WNT5A: variants seen among roughly 807,000 people sequenced by gnomAD.
WNT5A encodes protein Wnt-5a.
In WNT5A, 9 loss-of-function variants were observed where a neutral mutation model predicts 42.1. The ratio of observed to expected loss-of-function variants is 0.21; its 90% CI spans 0.13 to 0.37. WNT5A has a LOEUF of 0.37. WNT5A is among the 10% of genes least tolerant of loss of function. WNT5A has a pLI of 1.00. For missense variants in WNT5A, 426 were observed against 534.0 expected, an observed-to-expected ratio of 0.80 and a Z score of 1.99; for synonymous variants, 210 against 210.0, an observed-to-expected ratio of 1.00 and a Z score of 0.00.
At chr3:55,491,624 C>T (rs141302615), upstream of WNT5A, among the ~76,000 whole-genome samples, 2 of 152,202 alleles carry the variant, frequency 1.3e-5, no homozygotes, top group Non-Finnish European at 2.9e-5. Context: ...AATCTACCCC[C>T]CTTTTATGCC....
At chr3:55,476,004 G>A (rs2106927280) in intron 3 of WNT5A, among the ~76,000 whole-genome samples, 1 of 152,314 alleles carries the variant, frequency 6.6e-6, no homozygotes, top group African/African-American at 2.4e-5. Context: ...AAGGAAAGGG[G>A]CCTCTTCTGG....
intron 1 of WNT5A, among the ~76,000 whole-genome samples, chr3:55,482,392 G>A (rs996010123): frequency 2.6e-5 from 4 of 152,172 alleles, no homozygotes; most frequent in African/African-American, 9.7e-5. Flanking sequence ...TAACCCTGCC[G>A]CACTGCATCG....
rs1277607893 is a variant in WNT5A at position 55,483,586 on chromosome 3, G to A, written c.7-2668C>T. On this transcript the variant is annotated intron_variant, in intron 1 of 4. Coordinates refer to ENST00000264634, the MANE Select transcript of WNT5A (RefSeq NM_003392.7). The surrounding 1 kb of genome is among the most constrained non-coding windows in gnomAD (Gnocchi z 4.2). ...GGGCTAAATGTTTTCCAACACTTTCGGGGCTCAGGGAAGATGACTCTGTAA... is the reference window on the plus strand; with the variant it reads ...GGGCTAAATGTTTTCCAACACTTTCAGGGCTCAGGGAAGATGACTCTGTAA... 6.6e-6 allele frequency among the ~76,000 whole-genome samples: 1 copy of A among 152,130 alleles called. No individual in the cohort carries two copies. The highest frequency in any genetic ancestry group is 2.1e-4 in the South Asian group (1 of 4,830).
In WNT5A at chr3:55,487,165, T is replaced by G. The variant is rs1052028061; in HGVS notation, c.-180A>C. 3 of 593,082 alleles carry G rather than the reference T, an allele frequency of 5.1e-6. No homozygotes were observed. The highest frequency in any genetic ancestry group is 6.0e-6 in the Non-Finnish European group (2 of 335,920). 36.7% of individuals were successfully genotyped at this position (593,082 alleles called of 1,614,324 possible). A position where few individuals can be genotyped will look rare whatever the true frequency, so the allele number is the denominator to read the frequency against. On this transcript the variant is annotated 5_prime_UTR_variant, in exon 1 of 5. Coordinates refer to ENST00000264634, the MANE Select transcript of WNT5A (RefSeq NM_003392.7). The stretch of plus-strand genomic sequence containing the variant: ...TGAAGCGGGCACTGGCGCCCGGGCC[T>G]GGACTCCCGAGTTGGGGCAGAGCTG...
chr3:55,489,506 TC>T (rs1164401317), upstream of WNT5A, among the ~76,000 whole-genome samples: 1 of 151,586 alleles, frequency 6.6e-6, no homozygotes, highest in Non-Finnish European at 1.5e-5. Context: ...CACAGCCCCT[TC>T]CCATTCCTTA....
intron 1 of WNT5A, 84 bp downstream of exon 1, chr3:55,486,896 G>A: frequency 2.1e-6 from 2 of 941,994 alleles, no homozygotes; most frequent in Admixed American, 1.8e-5. Flanking sequence ...GGAGGGATAG[G>A]AAGAGGCGAA....
chr3:55,501,431 G>C, the WNT5A span, among the ~76,000 whole-genome samples: 4 of 152,234 alleles, frequency 2.6e-5, no homozygotes, highest in Non-Finnish European at 5.9e-5. Flanking sequence ...AGGATAAAGG[G>C]AGAATTGTTC....
intron 3 of WNT5A, among the ~76,000 whole-genome samples, chr3:55,475,876 T>C (rs771388197): frequency 6.6e-6 from 1 of 151,930 alleles, no homozygotes; most frequent in Non-Finnish European, 1.5e-5. Context: ...TTAATAAAAG[T>C]ACTGTAATCT....
chr3:55,480,204 A>C (rs2051432835), intron 2 of WNT5A, among the ~76,000 whole-genome samples: 1 of 152,176 alleles, frequency 6.6e-6, no homozygotes, highest in African/African-American at 2.4e-5. Context: ...GTCAAAAATA[A>C]TCCTCTGGAT....
chr3:55,504,574 C>T, the WNT5A span, among the ~76,000 whole-genome samples: 1 of 151,952 alleles, frequency 6.6e-6, no homozygotes, highest in African/African-American at 2.4e-5. Flanking sequence ...AAGCGATTCT[C>T]CTGCCTCACC....
At chr3:55,498,686 T>C in the WNT5A span, among the ~76,000 whole-genome samples, 1 of 152,182 alleles carries the variant, frequency 6.6e-6, no homozygotes, top group Admixed American at 6.5e-5. Context: ...CTCCACCCCC[T>C]GACTTAAGGT....
chr3:55,470,056 G>A lies in WNT5A; in HGVS notation c.*36C>T. The A allele has an allele frequency of 6.2e-7, 1 of 1,611,762 alleles. No individual in the cohort carries two copies. Among genetic ancestry groups the A allele is most frequent in the Non-Finnish European group, 8.5e-7 (1 of 1,178,046 alleles). On this transcript the variant is annotated 3_prime_UTR_variant, in exon 5 of 5. Transcript: ENST00000264634. ...CACTGTACTTTCTATAAATAAGCGGGTCCTGGGAGCGGGGCTGAGTGCTGG... is the reference window on the plus strand; with the variant it reads ...CACTGTACTTTCTATAAATAAGCGGATCCTGGGAGCGGGGCTGAGTGCTGG...
At chr3:55,489,627 A>G (rs1294626554), upstream of WNT5A, among the ~76,000 whole-genome samples, 2 of 151,508 alleles carry the variant, frequency 1.3e-5, no homozygotes, top group African/African-American at 4.9e-5. Flanking sequence ...CCTGCTTAGC[A>G]CCTCCCGCCT....
upstream of WNT5A, chr3:55,489,989 A>C (rs1292087606): frequency 6.6e-6 from 1 of 152,040 alleles, no homozygotes; most frequent in African/African-American, 2.4e-5. Flanking sequence ...CTAGGCAGAC[A>C]CTCCAGCCCC....
chr3:55,500,318 T>C, the WNT5A span, among the ~76,000 whole-genome samples: 1 of 152,238 alleles, frequency 6.6e-6, no homozygotes, highest in Non-Finnish European at 1.5e-5. Flanking sequence ...TCCTTTTGAT[T>C]TGCTATTTTC....
chr3:55,504,205 GT>G, the WNT5A span, among the ~76,000 whole-genome samples: 2 of 151,968 alleles, frequency 1.3e-5, no homozygotes, highest in African/African-American at 4.8e-5. Flanking sequence ...GGAGGCGGAG[GT>G]TGCAGCAAGC....
intron 3 of WNT5A, among the ~76,000 whole-genome samples, chr3:55,478,517 A>C (rs2051397422): frequency 6.6e-6 from 1 of 152,210 alleles, no homozygotes; most frequent in Non-Finnish European, 1.5e-5. Flanking sequence ...CACATCTGTC[A>C]AATAGTATCC....
intron 2 of WNT5A, 91 bp downstream of exon 2, chr3:55,480,694 C>T: frequency 1.5e-6 from 2 of 1,329,696 alleles, no homozygotes; most frequent in Non-Finnish European, 2.0e-6. Context: ...CACCCACACT[C>T]ACTATCCAGC....
chr3:55,487,350 G>T (rs932440710), upstream of WNT5A: 7 of 323,350 alleles, frequency 2.2e-5, no homozygotes, highest in African/African-American at 8.7e-5. Context: ...AGCGACGGCG[G>T]TAATTAGGGC....
Sources: gnomAD v4.1 joint callset for allele counts (sites outside exome capture counted in the v4.1 genomes callset) on GRCh38, gnomAD v4.1.1 for gene constraint, Gnocchi (gnomAD v3.1) non-coding constraint, MANE v1.5 for transcripts, NCBI Gene and HGNC (gene_info 2026-07-23, HGNC 2026-07-21) for gene names.